The following LRRTM4 variants were observed in gnomAD, a reference collection of about 807,000 sequenced individuals.
LRRTM4 encodes leucine-rich repeat transmembrane neuronal protein 4.
Under a neutral mutation model 47.6 loss-of-function variants are expected in LRRTM4, and 25 were observed. That is an observed-to-expected ratio of 0.53 (90% CI 0.38 to 0.73). The LOEUF (loss-of-function observed/expected upper bound fraction) is 0.73. Ranked by LOEUF, LRRTM4 falls within the 30% of genes least tolerant of loss-of-function variation. The pLI is 0.00. For missense variants in LRRTM4, 638 were observed against 713.4 expected, an observed-to-expected ratio of 0.89 and a Z score of 1.20; for synonymous variants, 311 against 269.5, an observed-to-expected ratio of 1.15 and a Z score of -1.51.
At chr2:77,443,425 AT>A (rs1675924734) in intron 3 of LRRTM4, among the ~76,000 whole-genome samples, 1 of 152,094 alleles carries the variant, frequency 6.6e-6, no homozygotes, top group Non-Finnish European at 1.5e-5. Flanking sequence ...TAAGTATTTT[AT>A]TATTTTAGTT....
At position 77,521,705 on chromosome 2, in the gene LRRTM4, C is replaced by A; in HGVS notation, c.-34G>T. The stretch of plus-strand genomic sequence containing the variant: ...ATCCAAAAACGTTTCCCCCCTCTCT[C>A]AGCTTTCTTCTTATTTGGTCTCTTG... On this transcript the variant is annotated 5_prime_UTR_variant, in exon 2 of 4. Transcript: ENST00000409884. 1 of 1,611,984 alleles carries A rather than the reference C, an allele frequency of 6.2e-7. No individual in the cohort carries two copies. Among genetic ancestry groups the A allele is most frequent in the Non-Finnish European group, 8.5e-7 (1 of 1,178,970 alleles).
intron 3 of LRRTM4, among the ~76,000 whole-genome samples, chr2:77,298,984 T>A (rs1677048652): frequency 6.6e-6 from 1 of 152,112 alleles, no homozygotes; most frequent in African/African-American, 2.4e-5. Context: ...ATATAGAAGA[T>A]GATGCATAAA....
intron 3 of LRRTM4, among the ~76,000 whole-genome samples, chr2:77,062,142 C>CT (rs36082301): frequency 1.3e-5 from 2 of 152,136 alleles, no homozygotes; most frequent in African/African-American, 2.4e-5. Context: ...TCCACTTTTT[C>CT]TTTTTTGGGG....
intron 3 of LRRTM4, among the ~76,000 whole-genome samples, chr2:77,459,760 A>C (rs1175555658): frequency 1.8e-3 from 47 of 25,730 alleles, no homozygotes; most frequent in Non-Finnish European, 3.2e-3. Context: ...TGGTTTTAGC[A>C]AAAAAAAAAA....
chr2:77,212,474 T>TATATAG (rs1431592737), intron 3 of LRRTM4, among the ~76,000 whole-genome samples: 2 of 136,968 alleles, frequency 1.5e-5, no homozygotes, highest in African/African-American at 5.4e-5. Context: ...TATATATATA[T>TATATAG]AGAGAGAGAG....
chr2:76,794,533 T>C (rs1456655043), intron 3 of LRRTM4, among the ~76,000 whole-genome samples: 1 of 150,894 alleles, frequency 6.6e-6, no homozygotes, highest in African/African-American at 2.4e-5. Flanking sequence ...ATATTCTATC[T>C]AGACTTAATT....
intron 3 of LRRTM4, among the ~76,000 whole-genome samples, chr2:76,765,105 G>C (rs544742145): frequency 6.6e-6 from 1 of 152,278 alleles, no homozygotes; most frequent in East Asian, 1.9e-4. Flanking sequence ...AATATCTAAA[G>C]GAGTTTGCCT....
At chr2:77,351,225 T>C (rs1195185000) in intron 3 of LRRTM4, among the ~76,000 whole-genome samples, 1 of 151,956 alleles carries the variant, frequency 6.6e-6, no homozygotes, top group Non-Finnish European at 1.5e-5. Context: ...GCCAACTCCT[T>C]TTACTGGAGG....
intron 3 of LRRTM4, among the ~76,000 whole-genome samples, chr2:77,127,400 T>A (rs1016992408): frequency 2.6e-5 from 4 of 152,186 alleles, no homozygotes; most frequent in African/African-American, 9.7e-5. Context: ...CATGAATCAA[T>A]AAACTAGTAA....
At chr2:76,874,680 G>A (rs1672729549) in intron 3 of LRRTM4, among the ~76,000 whole-genome samples, 1 of 151,786 alleles carries the variant, frequency 6.6e-6, no homozygotes. Flanking sequence ...TGATTCAGTA[G>A]TCAACTTGCA....
intron 3 of LRRTM4, among the ~76,000 whole-genome samples, chr2:77,439,339 A>G (rs1024671761): frequency 3.3e-5 from 5 of 151,982 alleles, no homozygotes; most frequent in Non-Finnish European, 5.9e-5. Flanking sequence ...TCCTTCTTCT[A>G]TCCTATTTTC....
Position 77,051,761 on chromosome 2 carries a change from T to A in LRRTM4, c.1552-302845A>T, listed in dbSNP as rs1267815740. 2.0e-5 allele frequency among the ~76,000 whole-genome samples: 3 copies of A among 152,226 alleles called. No individual in the cohort carries two copies. The East Asian group carries it at 5.8e-4, about 29-fold the overall frequency. On this transcript the variant is annotated intron_variant, in intron 3 of 3. Coordinates refer to ENST00000409884, the MANE Select transcript of LRRTM4 (RefSeq NM_001134745.3). The stretch of plus-strand genomic sequence containing the variant: ...ACTATTTACATAAAGACAAAATTAA[T>A]GATCAAATTTGCAACTTGAGCACCT...
chr2:76,884,904 G>A (rs942644427), intron 3 of LRRTM4, among the ~76,000 whole-genome samples: 1 of 151,968 alleles, frequency 6.6e-6, no homozygotes, highest in South Asian at 2.1e-4. Flanking sequence ...ACATATATAA[G>A]ATGTAAATTT....
chr2:76,864,661 A>C lies in LRRTM4; in HGVS notation c.1552-115745T>G, dbSNP rs201464065. Among the ~76,000 whole-genome samples the C allele has an allele frequency of 8.5e-4, 111 of 130,976 alleles. 1 individual carries two copies. The East Asian group carries it at 0.019, about 22-fold the overall frequency. 85.9% of individuals were successfully genotyped at this position (130,976 alleles called of 152,430 possible). On this transcript the variant is annotated intron_variant, in intron 3 of 3. Coordinates refer to ENST00000409884, the MANE Select transcript of LRRTM4 (RefSeq NM_001134745.3). ...GGCAACAAGAGTGAAACTCCATCCCAAAAAAAAAAAAAAAATGAAGTGATC... is the reference window on the plus strand; with the variant it reads ...GGCAACAAGAGTGAAACTCCATCCCCAAAAAAAAAAAAAAATGAAGTGATC...
chr2:77,034,857 G>T (rs1678781243), intron 3 of LRRTM4, among the ~76,000 whole-genome samples: 1 of 151,654 alleles, frequency 6.6e-6, no homozygotes. Context: ...CTTATTCTTA[G>T]AAATTATTCT....
chr2:77,319,591 T>G (rs929620167), intron 3 of LRRTM4, among the ~76,000 whole-genome samples: 13 of 152,176 alleles, frequency 8.5e-5, no homozygotes, highest in Admixed American at 6.5e-4. Flanking sequence ...TGTCCCCTTC[T>G]CCTACATCTT....
intron 3 of LRRTM4, among the ~76,000 whole-genome samples, chr2:76,972,574 C>A (rs551542816): frequency 1.4e-4 from 22 of 151,930 alleles, no homozygotes; most frequent in African/African-American, 5.3e-4. Context: ...TGCGCCACCA[C>A]ACCTGGCTAC....
intron 3 of LRRTM4, among the ~76,000 whole-genome samples, chr2:76,750,941 T>G (rs1367479152): frequency 6.6e-6 from 1 of 152,212 alleles, no homozygotes; most frequent in Admixed American, 6.5e-5. Flanking sequence ...ATGAAATCAA[T>G]TTTGTGAATC....
At chr2:77,240,604 T>C (rs1402918284) in intron 3 of LRRTM4, among the ~76,000 whole-genome samples, 2 of 151,826 alleles carry the variant, frequency 1.3e-5, no homozygotes, top group Admixed American at 6.6e-5. Context: ...AAGAAATACA[T>C]AAAGAAGAAA....
Sources: gnomAD v4.1 joint callset for allele counts (sites outside exome capture counted in the v4.1 genomes callset) on GRCh38, gnomAD v4.1.1 for gene constraint, MANE v1.5 for transcripts, NCBI Gene and HGNC (gene_info 2026-07-23, HGNC 2026-07-21) for gene names.